The following SLCO6A1 variants were observed in gnomAD, a reference collection of about 807,000 sequenced individuals.
SLCO6A1 encodes cancer/testis antigen 48.
Under a neutral mutation model 72.7 loss-of-function variants are expected in SLCO6A1, and 65 were observed. The ratio of observed to expected loss-of-function variants is 0.89; its 90% CI spans 0.73 to 1.10. The LOEUF (loss-of-function observed/expected upper bound fraction) is 1.10, where lower values mean the gene tolerates loss of function less well. SLCO6A1 is among the 50% of genes least tolerant of loss of function. SLCO6A1 has a pLI of 0.00. For synonymous variants in SLCO6A1, 314 were observed against 298.2 expected, an observed-to-expected ratio of 1.05 and a Z score of -0.55; for missense variants, 874 against 872.6, an observed-to-expected ratio of 1.00 and a Z score of -0.02.
intron 12 of SLCO6A1, among the ~76,000 whole-genome samples, chr5:102,382,718 TTCTG>T (rs905278001): frequency 5.9e-5 from 9 of 151,472 alleles, no homozygotes; most frequent in African/African-American, 1.9e-4. Context: ...TTAAATTTAT[TTCTG>T]TCTATCTCTT....
chr5:102,439,886 G>C (rs531089324), intron 6 of SLCO6A1, among the ~76,000 whole-genome samples: 8 of 152,110 alleles, frequency 5.3e-5, no homozygotes, highest in Non-Finnish European at 1.2e-4. Flanking sequence ...AGTTATCAAA[G>C]AAATATTTAT....
intron 4 of SLCO6A1, among the ~76,000 whole-genome samples, chr5:102,468,256 C>T (rs1454542139): frequency 1.3e-5 from 2 of 152,046 alleles, no homozygotes; most frequent in African/African-American, 4.8e-5. Context: ...GCCTATCATA[C>T]AGTCTATCTT....
chr5:102,431,239 T>C (rs1167730247), intron 7 of SLCO6A1, among the ~76,000 whole-genome samples: 1 of 152,160 alleles, frequency 6.6e-6, no homozygotes, highest in Non-Finnish European at 1.5e-5. Context: ...GAATGTTTTT[T>C]TGTGTCTCCA....
intron 1 of SLCO6A1, among the ~76,000 whole-genome samples, chr5:102,496,330 T>A (rs1168952040): frequency 6.6e-6 from 1 of 152,308 alleles, no homozygotes; most frequent in South Asian, 2.1e-4. Context: ...GATTTTAAAA[T>A]TGTTTACAAT....
chr5:102,450,343 ATC>A, intron 6 of SLCO6A1, among the ~76,000 whole-genome samples: 1 of 152,288 alleles, frequency 6.6e-6, no homozygotes, highest in Admixed American at 6.5e-5. Flanking sequence ...TTTGTGCAGC[ATC>A]TTTATTTGTG....
intron 7 of SLCO6A1, among the ~76,000 whole-genome samples, chr5:102,431,890 A>T (rs768869489): frequency 5.3e-5 from 8 of 152,256 alleles, no homozygotes; most frequent in Admixed American, 1.3e-4. Context: ...GGTCTCTAAG[A>T]ATTTAATTTA....
chr5:102,395,817 C>T (rs913922017), intron 10 of SLCO6A1, among the ~76,000 whole-genome samples: 2 of 152,086 alleles, frequency 1.3e-5, no homozygotes. Flanking sequence ...TTTCATGTGT[C>T]TGTTGGCTGT....
intron 12 of SLCO6A1, among the ~76,000 whole-genome samples, chr5:102,376,507 G>A (rs1745801831): frequency 6.6e-6 from 1 of 152,094 alleles, no homozygotes; most frequent in East Asian, 1.9e-4. Context: ...AATCCTATGT[G>A]TGTGTGCCAA....
chr5:102,459,518 T>C lies in SLCO6A1; in HGVS notation c.1021+138A>G, dbSNP rs1750911360. The C allele has an allele frequency of 3.2e-6, 3 of 930,000 alleles. No individual in the cohort carries two copies. The South Asian group carries it at 7.5e-5, about 23-fold the overall frequency. 57.6% of individuals were successfully genotyped at this position (930,000 alleles called of 1,614,324 possible). ...CTTAAATAACACTAGCACTTGACAC[T>C]GTATCTCTATGACAAACCACTACAG... On this transcript the variant is annotated intron_variant, in intron 5 of 13. Coordinates refer to ENST00000506729, the MANE Select transcript of SLCO6A1 (RefSeq NM_173488.5).
intron 7 of SLCO6A1, among the ~76,000 whole-genome samples, chr5:102,433,875 T>C (rs1345125413): frequency 6.6e-6 from 1 of 152,032 alleles, no homozygotes; most frequent in Non-Finnish European, 1.5e-5. Context: ...CATTCCAGCT[T>C]TTTGAGTTGT....
At chr5:102,403,933 T>C (rs1747532129) in intron 9 of SLCO6A1, among the ~76,000 whole-genome samples, 1 of 152,142 alleles carries the variant, frequency 6.6e-6, no homozygotes, top group Admixed American at 6.5e-5. Context: ...TACTTATTTT[T>C]TCTAATTATT....
intron 10 of SLCO6A1, among the ~76,000 whole-genome samples, chr5:102,394,819 A>G (rs1488242817): frequency 6.6e-6 from 1 of 152,114 alleles, no homozygotes; most frequent in Non-Finnish European, 1.5e-5. Context: ...CTGAAAGTAT[A>G]AAAAAGACAG....
intron 10 of SLCO6A1, among the ~76,000 whole-genome samples, chr5:102,397,714 G>T (rs930090001): frequency 6.6e-6 from 1 of 152,156 alleles, no homozygotes; most frequent in African/African-American, 2.4e-5. Flanking sequence ...TGATCTGTCA[G>T]TCCTTGGGTC....
At chr5:102,395,028 T>C (rs1011107965) in intron 10 of SLCO6A1, among the ~76,000 whole-genome samples, 1 of 152,256 alleles carries the variant, frequency 6.6e-6, no homozygotes, top group East Asian at 1.9e-4. Context: ...TTTTTAATTA[T>C]TGAGACTTAA....
rs146658765 is a variant in SLCO6A1 at position 102,373,454 on chromosome 5, A to G, written c.2058T>C (p.Ile686=). ...CKLCTIIFTT[I]AFFIYKRRLN... is the part of the protein sequence containing the mutation. ...GACGACGTTTGTATATGAAAAATGC[A>G]ATAGTAGTGAAGATGATAGTGCATA... The change falls in exon 13 of 14, where the codon ATT becomes ATC. Residue 686 remains isoleucine (I), a synonymous_variant. Transcript: ENST00000506729. 1.3e-6 allele frequency: 2 copies of G among 1,569,886 alleles called. No individual in the cohort carries two copies. Among genetic ancestry groups the G allele is most frequent in the African/African-American group, 2.7e-5 (2 of 73,356 alleles).
chr5:102,419,645 C>T (rs1748477787), intron 8 of SLCO6A1, among the ~76,000 whole-genome samples, 181 bp downstream of exon 8: 1 of 147,524 alleles, frequency 6.8e-6, no homozygotes. Context: ...AAAAAGATAC[C>T]ATTATAATAT....
intron 4 of SLCO6A1, among the ~76,000 whole-genome samples, chr5:102,470,777 T>C (rs2112799394): frequency 6.6e-6 from 1 of 152,136 alleles, no homozygotes; most frequent in East Asian, 1.9e-4. Flanking sequence ...TTCAGGCTGG[T>C]ACTGGGGAGC....
intron 11 of SLCO6A1, among the ~76,000 whole-genome samples, chr5:102,390,651 A>T (rs1746703014): frequency 6.6e-6 from 1 of 152,158 alleles, no homozygotes; most frequent in Non-Finnish European, 1.5e-5. Flanking sequence ...GTAACTTCCC[A>T]AACACGCAAG....
intron 1 of SLCO6A1, among the ~76,000 whole-genome samples, chr5:102,486,883 T>C (rs1486242342): frequency 6.6e-6 from 1 of 152,170 alleles, no homozygotes; most frequent in African/African-American, 2.4e-5. Context: ...CAGGTGTTTA[T>C]CTTCAACAGA....
Sources: gnomAD v4.1 joint callset for allele counts (sites outside exome capture counted in the v4.1 genomes callset) on GRCh38, gnomAD v4.1.1 for gene constraint, MANE v1.5 for transcripts, NCBI Gene and HGNC (gene_info 2026-07-23, HGNC 2026-07-21) for gene names.